The following ENPEP variants were observed in gnomAD, a reference collection of about 807,000 sequenced individuals.
ENPEP encodes AP-A.
A neutral mutation model predicts 114.5 loss-of-function variants in ENPEP; 103 were observed. The observed-to-expected ratio is 0.90, with a 90% CI of 0.77 to 1.06. The LOEUF (loss-of-function observed/expected upper bound fraction) is 1.06, where lower values mean the gene tolerates loss of function less well. ENPEP is among the 50% of genes least tolerant of loss of function. ENPEP has a pLI of 0.00. For synonymous variants in ENPEP, 420 were observed against 422.0 expected (o/e 1.00, Z 0.06); for missense variants, 1,196 against 1,161.3 (o/e 1.03, Z -0.43).
At chr4:110,497,705 G>A (rs945422099) in intron 3 of ENPEP, among the ~76,000 whole-genome samples, 6 of 151,814 alleles carry the variant, frequency 4.0e-5, no homozygotes, top group African/African-American at 9.7e-5. Flanking sequence ...TAGCTACAGC[G>A]GAAAAAAAGG....
At position 110,476,243 on chromosome 4, in the gene ENPEP, A is replaced by C; in HGVS notation, c.-172A>C. ...GCATTCATCCTGAGTGGCTGGTGGG[A>C]ACGTGAAAAGGGAGAGGAAAAGGCG... On this transcript the variant is annotated 5_prime_UTR_variant, in exon 1 of 20. Transcript: ENST00000265162. The C allele has an allele frequency of 1.4e-6, 1 of 715,228 alleles. No homozygotes were observed. The highest frequency in any genetic ancestry group is 2.1e-6 in the Non-Finnish European group (1 of 465,696). 44.3% of individuals were successfully genotyped at this position (715,228 alleles called of 1,614,324 possible).
intron 6 of ENPEP, 109 bp from the exon 7 acceptor site, chr4:110,513,306 T>G (rs1725646838): frequency 4.8e-6 from 6 of 1,259,886 alleles, no homozygotes; most frequent in Non-Finnish European, 6.4e-6. Context: ...TTAAGTAACT[T>G]AAGTCATTTA....
At position 110,553,368 on chromosome 4, in the gene ENPEP, C is replaced by T. The variant is rs1482702582; in HGVS notation, c.2555C>T (p.Thr852Ile). Reference sequence around the variant, plus strand: ...CTTATTAAAACTCAGGATGTGTTTACAGTCATTCGATATATCTCATATAAC... The same window carrying T: ...CTTATTAAAACTCAGGATGTGTTTATAGTCATTCGATATATCTCATATAAC... ...TNLIKTQDVF[T>I]VIRYISYNSY... The change falls in exon 18 of 20, where the codon ACA (threonine) becomes ATA (isoleucine). Residue 852 changes from threonine to isoleucine, a missense_variant. Coordinates refer to ENST00000265162, the MANE Select transcript of ENPEP (RefSeq NM_001977.4). The T allele has an allele frequency of 6.2e-7, 1 of 1,611,162 alleles. No individual in the cohort carries two copies.
chr4:110,510,339 C>A lies in ENPEP; in HGVS notation c.1289C>A (p.Ala430Glu), dbSNP rs1578401223. Residue 430 changes from alanine to glutamate, a missense_variant, in exon 6 of 20, where the codon GCA becomes GAA. Physicochemically the swap from Ala to Glu is moderately radical, Grantham distance 107. Transcript: ENST00000265162. ...SFFEFLGVNH[A>E]ETDWQMRDQM... is the part of the protein sequence containing the mutation. ...TTTGAGTTTCTGGGAGTAAACCATG[C>A]AGAAACAGACTGGCAAATGGTGAGT... 2 of 1,613,944 alleles carry A rather than the reference C, an allele frequency of 1.2e-6. No individual in the cohort carries two copies. The highest frequency in any genetic ancestry group is 1.7e-6 in the Non-Finnish European group (2 of 1,179,838).
Position 110,549,783 on chromosome 4 carries a change from T to C in ENPEP, c.2398T>C (p.Trp800Arg), listed in dbSNP as rs1168172278. ...GCAGAACTCTGGCAATGAGATTTCA[T>C]GGAACTACACTCTTGAGCAATACCA... ...GMQNSGNEIS[W>R]NYTLEQYQKT... The change falls in exon 17 of 20, where the codon TGG (tryptophan) becomes CGG (arginine). Residue 800 changes from tryptophan (W) to arginine (R), a missense_variant. By Grantham distance (101) the Trp-to-Arg change is moderately radical. Coordinates refer to ENST00000265162, the MANE Select transcript of ENPEP (RefSeq NM_001977.4). The C allele has an allele frequency of 3.7e-6, 6 of 1,613,482 alleles. No individual in the cohort carries two copies. Among genetic ancestry groups the C allele is most frequent in the Non-Finnish European group, 5.1e-6 (6 of 1,179,624 alleles).
At chr4:110,487,769 A>G (rs1329040996) in intron 1 of ENPEP, among the ~76,000 whole-genome samples, 1 of 152,182 alleles carries the variant, frequency 6.6e-6, no homozygotes, top group Non-Finnish European at 1.5e-5. Flanking sequence ...TAATATGTTT[A>G]CATGTAAAAA....
chr4:110,485,258 G>T (rs1724460154), intron 1 of ENPEP, among the ~76,000 whole-genome samples: 1 of 152,122 alleles, frequency 6.6e-6, no homozygotes, highest in Non-Finnish European at 1.5e-5. Context: ...TTGTTCTATT[G>T]CAGAATGAAT....
intron 19 of ENPEP, 38 bp downstream of exon 19, chr4:110,559,763 A>G: frequency 1.9e-6 from 3 of 1,542,290 alleles, no homozygotes; most frequent in Non-Finnish European, 2.7e-6. Context: ...TCCAAGAAGG[A>G]GCAGAATGAA....
chr4:110,529,224 T>A (rs992003506), intron 10 of ENPEP, among the ~76,000 whole-genome samples: 1 of 152,168 alleles, frequency 6.6e-6, no homozygotes, highest in Non-Finnish European at 1.5e-5. Flanking sequence ...TCAGTCAGAT[T>A]GGCATTGGGG....
chr4:110,554,097 A>G (rs1193483902), intron 18 of ENPEP, among the ~76,000 whole-genome samples: 1 of 152,010 alleles, frequency 6.6e-6, no homozygotes, highest in East Asian at 1.9e-4. Flanking sequence ...ATAATGCACA[A>G]TTTCCATCCA....
chr4:110,543,341 C>T (rs1221082646), intron 13 of ENPEP, among the ~76,000 whole-genome samples: 1 of 152,014 alleles, frequency 6.6e-6, no homozygotes, highest in Middle Eastern at 3.2e-3. Flanking sequence ...GATCCTTGAG[C>T]TAATTAGAAG....
chr4:110,482,297 G>A (rs1372708841), intron 1 of ENPEP, among the ~76,000 whole-genome samples: 1 of 152,208 alleles, frequency 6.6e-6, no homozygotes, highest in South Asian at 2.1e-4. Flanking sequence ...GCTTGACTAT[G>A]AGGAAGGGTG....
intron 3 of ENPEP, among the ~76,000 whole-genome samples, chr4:110,495,540 G>A (rs1210363531): frequency 6.6e-6 from 1 of 152,070 alleles, no homozygotes; most frequent in East Asian, 1.9e-4. Flanking sequence ...GGCCAAAATG[G>A]TGAAACCCTG....
chr4:110,495,116 T>C (rs914534958), intron 3 of ENPEP, among the ~76,000 whole-genome samples: 2 of 152,194 alleles, frequency 1.3e-5, no homozygotes, highest in African/African-American at 4.8e-5. Flanking sequence ...CCAATAAGCA[T>C]GTCATGAACA....
intron 10 of ENPEP, among the ~76,000 whole-genome samples, chr4:110,522,058 T>C (rs1349414679): frequency 6.6e-6 from 1 of 152,090 alleles, no homozygotes; most frequent in Admixed American, 6.6e-5. Context: ...TTTGTATTTT[T>C]AGTGAAGGCG....
chr4:110,501,312 G>T (rs1725145801), intron 3 of ENPEP, among the ~76,000 whole-genome samples: 1 of 152,018 alleles, frequency 6.6e-6, no homozygotes, highest in Non-Finnish European at 1.5e-5. Context: ...AGGTTCAGGG[G>T]TATATGTACG....
At chr4:110,543,632 A>T (rs1384725130) in intron 13 of ENPEP, among the ~76,000 whole-genome samples, 1 of 150,696 alleles carries the variant, frequency 6.6e-6, no homozygotes, top group Non-Finnish European at 1.5e-5. Context: ...ACTAAGTAGT[A>T]TCCATGGTAC....
At chr4:110,519,923 G>A (rs1465780566) in intron 8 of ENPEP, 85 bp from the exon 9 acceptor site, 1 of 1,226,916 alleles carries the variant, frequency 8.2e-7, no homozygotes, top group African/African-American at 1.5e-5. Flanking sequence ...AGGTAGAATT[G>A]AGTAGCAGGG....
intron 10 of ENPEP, among the ~76,000 whole-genome samples, chr4:110,526,429 A>G (rs1046797813): frequency 2.0e-5 from 3 of 152,196 alleles, no homozygotes; most frequent in African/African-American, 7.2e-5. Context: ...TTTATAGTAA[A>G]TGAGGAATTT....
Sources: gnomAD v4.1 joint callset for allele counts (sites outside exome capture counted in the v4.1 genomes callset) on GRCh38, gnomAD v4.1.1 for gene constraint, MANE v1.5 for transcripts, NCBI Gene and HGNC (gene_info 2026-07-23, HGNC 2026-07-21) for gene names.